The following HDAC4 variants were observed in gnomAD, a reference collection of about 807,000 sequenced individuals.
The protein encoded by HDAC4 is histone deacetylase 4, also known as histone deacetylase A.
In HDAC4, 16 loss-of-function variants were observed where a neutral mutation model predicts 135.1. The ratio of observed to expected loss-of-function variants is 0.12; its 90% confidence interval spans 0.08 to 0.18. HDAC4 has a LOEUF of 0.18. Among genes scored for constraint, HDAC4 ranks in the 10% least tolerant of loss-of-function variants. The probability of loss-of-function intolerance (pLI) is 1.00; values close to 1 mark genes in which losing one functional copy is unlikely to be tolerated. For synonymous variants in HDAC4, 685 were observed against 653.4 expected, an observed-to-expected ratio of 1.05 and a Z score of -0.74; for missense variants, 1,143 against 1,511.8, an observed-to-expected ratio of 0.76 and a Z score of 4.05.
intron 3 of HDAC4, among the ~76,000 whole-genome samples, chr2:239,213,632 A>G (rs1446991250): frequency 6.6e-6 from 1 of 152,230 alleles, no homozygotes; most frequent in Non-Finnish European, 1.5e-5. Flanking sequence ...CTCCAGCAAC[A>G]AAACTCCTGA....
At chr2:239,121,050 T>C (rs1453029366) in intron 12 of HDAC4, among the ~76,000 whole-genome samples, 3 of 149,456 alleles carry the variant, frequency 2.0e-5, no homozygotes, top group Non-Finnish European at 3.0e-5. Context: ...CAGGCTGGAG[T>C]GCAGTCATGC....
At chr2:239,151,699 C>A (rs1246743059) in intron 7 of HDAC4, among the ~76,000 whole-genome samples, 1 of 152,224 alleles carries the variant, frequency 6.6e-6, no homozygotes. Flanking sequence ...CAAGCCCTAC[C>A]AGGCAGGCTA....
At chr2:239,208,268 A>G (rs1371864407) in intron 3 of HDAC4, among the ~76,000 whole-genome samples, 1 of 139,508 alleles carries the variant, frequency 7.2e-6, no homozygotes, top group East Asian at 2.5e-4. Flanking sequence ...CGGAGCCTGC[A>G]GTGAGCCGAG....
chr2:239,311,038 C>T (rs1288149396), intron 2 of HDAC4, among the ~76,000 whole-genome samples: 4 of 152,252 alleles, frequency 2.6e-5, no homozygotes, highest in Non-Finnish European at 4.4e-5. Flanking sequence ...TCTGCGCGGT[C>T]GCGGTCTGAC....
At chr2:239,103,290 C>T (rs2037824495) in intron 15 of HDAC4, among the ~76,000 whole-genome samples, 1 of 152,066 alleles carries the variant, frequency 6.6e-6, no homozygotes, top group Admixed American at 6.5e-5. Context: ...AGCCGCGCTC[C>T]CGGAGTCTCT....
At chr2:239,270,132 G>A (rs545178520) in intron 2 of HDAC4, among the ~76,000 whole-genome samples, 3 of 152,300 alleles carry the variant, frequency 2.0e-5, no homozygotes, top group South Asian at 2.1e-4. Flanking sequence ...TGACTCCCAC[G>A]GCAGCAGGTA....
chr2:239,086,892 C>T (rs1008141787), intron 19 of HDAC4, among the ~76,000 whole-genome samples: 4 of 152,208 alleles, frequency 2.6e-5, no homozygotes, highest in East Asian at 1.9e-4. Context: ...CTCACTAGAG[C>T]GGCTACCGTC....
At chr2:239,173,210 A>G (rs1415465593) in intron 5 of HDAC4, among the ~76,000 whole-genome samples, 1 of 152,208 alleles carries the variant, frequency 6.6e-6, no homozygotes, top group Non-Finnish European at 1.5e-5. Context: ...GAGAAAGGAA[A>G]CTGTTTGGCA....
chr2:239,399,855 TC>T (rs1314316542), intron 1 of HDAC4, among the ~76,000 whole-genome samples: 2 of 152,250 alleles, frequency 1.3e-5, no homozygotes, highest in Non-Finnish European at 1.5e-5. Context: ...AAGTTTAATT[TC>T]TGCAACGCTT....
At chr2:239,116,465 C>T (rs1165451631) in intron 12 of HDAC4, among the ~76,000 whole-genome samples, 4 of 152,242 alleles carry the variant, frequency 2.6e-5, no homozygotes, top group Non-Finnish European at 4.4e-5. Flanking sequence ...TCACGAGAAA[C>T]GCCTCTGGAC....
At chr2:239,229,939 C>T (rs551846443) in intron 3 of HDAC4, among the ~76,000 whole-genome samples, 1 of 152,110 alleles carries the variant, frequency 6.6e-6, no homozygotes, top group Non-Finnish European at 1.5e-5. Context: ...ATTTCCCCCC[C>T]AAGAGGCAGT....
rs1298940947 is a variant in HDAC4, at chr2:239,335,787, A to G, written c.22+16891T>C. ...ACTACAATAGTTAAAATGAAAAAGA[A>G]TTACAGTACCATGTATTGGCAAGGA... is the stretch of plus-strand genomic sequence containing the variant. On this transcript the variant is annotated intron_variant, in intron 2 of 26. Coordinates refer to ENST00000543185, the MANE Select transcript of HDAC4 (RefSeq NM_001378414.1). 2.6e-5 allele frequency among the ~76,000 whole-genome samples: 4 copies of G among 152,250 alleles called. No homozygotes were observed. In the East Asian group the frequency reaches 7.7e-4, roughly 29 times the overall value.
rs146610435 is a variant in HDAC4, at chr2:239,119,459, A to G, written c.1534-4149T>C. On this transcript the variant is annotated intron_variant, in intron 12 of 26. Coordinates refer to ENST00000543185, the MANE Select transcript of HDAC4 (RefSeq NM_001378414.1). ...GACCACAGGCTGAGGACATGGGGAC[A>G]GGAGCTCAGGGCTAAGGGTGCGGGG... is the stretch of plus-strand genomic sequence containing the variant. 3.8e-3 allele frequency among the ~76,000 whole-genome samples: 583 copies of G among 152,150 alleles called. 2 individuals are homozygous for G. Among genetic ancestry groups the G allele is most frequent in the African/African-American group, 0.014 (566 of 41,560 alleles).
At chr2:239,329,951 G>A (rs535969987) in intron 2 of HDAC4, among the ~76,000 whole-genome samples, 3 of 152,126 alleles carry the variant, frequency 2.0e-5, no homozygotes, top group South Asian at 2.1e-4. Context: ...GAGCAGGAAT[G>A]GGGGAGCAAG....
chr2:239,383,460 G>T (rs2126067466), intron 1 of HDAC4, among the ~76,000 whole-genome samples: 1 of 152,332 alleles, frequency 6.6e-6, no homozygotes, highest in Non-Finnish European at 1.5e-5. Context: ...GGCAGGGGTG[G>T]CAGAGGTCGG....
intron 14 of HDAC4, among the ~76,000 whole-genome samples, 171 bp downstream of exon 14, chr2:239,111,355 C>A (rs191469743): frequency 2.6e-5 from 4 of 152,172 alleles, no homozygotes; most frequent in Non-Finnish European, 5.9e-5. Flanking sequence ...GGGTGTAGGG[C>A]GGGGAGAGGG....
intron 17 of HDAC4, chr2:239,094,170 A>C (rs2036776680): frequency 1.0e-6 from 1 of 985,400 alleles, no homozygotes; most frequent in Non-Finnish European, 1.2e-6. Flanking sequence ...GATTCGCGGC[A>C]CTGCAGGACC....
intron 5 of HDAC4, among the ~76,000 whole-genome samples, chr2:239,172,638 A>G (rs1364302587): frequency 6.6e-6 from 1 of 152,146 alleles, no homozygotes; most frequent in Admixed American, 6.5e-5. Flanking sequence ...ACATAGAGAA[A>G]TAAAAATACT....
At chr2:239,108,909 C>T (rs527283928) in intron 14 of HDAC4, among the ~76,000 whole-genome samples, 3 of 152,340 alleles carry the variant, frequency 2.0e-5, no homozygotes, top group Admixed American at 1.3e-4. Context: ...ACCAACTGGG[C>T]CGGCAGCCTG....
Sources: allele counts gnomAD v4.1 joint callset (sites outside exome capture counted in the v4.1 genomes callset), GRCh38; gene constraint gnomAD v4.1.1; transcripts MANE v1.5; gene names NCBI Gene and HGNC (gene_info 2026-07-23, HGNC 2026-07-21).